TBCK: variants seen among roughly 807,000 people sequenced by gnomAD.
TBCK encodes the protein TBC1 domain containing kinase, also known as TBC domain-containing protein kinase-like protein.
In TBCK, 99 loss-of-function variants were observed where a neutral mutation model predicts 113.4. That is an observed-to-expected ratio of 0.87 (90% CI 0.74 to 1.03). The LOEUF is 1.03. Among genes scored for constraint, TBCK ranks in the 50% least tolerant of loss-of-function variants. TBCK has a pLI of 0.00. For synonymous variants in TBCK, 369 were observed against 370.8 expected (o/e 1.00, Z 0.05); for missense variants, 1,045 against 1,061.3 (o/e 0.98, Z 0.21).
chr4:106,308,479 G>C (rs1767782335), intron 2 of TBCK, among the ~76,000 whole-genome samples: 2 of 152,074 alleles, frequency 1.3e-5, no homozygotes, highest in African/African-American at 2.4e-5. Context: ...TTAAATTAGT[G>C]GAAACAACAA....
rs367902724 is a variant in TBCK at position 106,051,504 on chromosome 4, TG to T, written c.2572-4825del. On this transcript the variant is annotated intron_variant, in intron 25 of 25. Coordinates refer to ENST00000394708, the MANE Select transcript of TBCK (RefSeq NM_001163435.3). ...TGAGCATGGTATTGAATAAAGAAAC[TG>T]GCAATTATCCTATAATAAGCAGCTG... 1.3e-3 allele frequency among the ~76,000 whole-genome samples: 202 copies of T among 152,020 alleles called. 1 individual carries two copies. Among genetic ancestry groups the T allele is most frequent in the African/African-American group, 4.5e-3 (188 of 41,518 alleles).
At chr4:106,309,302 TC>T in intron 1 of TBCK, among the ~76,000 whole-genome samples, 6 of 140,798 alleles carry the variant, frequency 4.3e-5, no homozygotes, top group Non-Finnish European at 9.3e-5. Context: ...ATAAGGCTCT[TC>T]TCTTTTTTTT....
At chr4:106,257,202 G>T (rs1762085991) in intron 5 of TBCK, among the ~76,000 whole-genome samples, 1 of 152,120 alleles carries the variant, frequency 6.6e-6, no homozygotes, top group Non-Finnish European at 1.5e-5. Context: ...GAAGAGACAT[G>T]GAGTGAAATT....
At chr4:106,082,396 T>C (rs375114703) in intron 25 of TBCK, among the ~76,000 whole-genome samples, 1 of 152,066 alleles carries the variant, frequency 6.6e-6, no homozygotes, top group Non-Finnish European at 1.5e-5. Context: ...TGGGTACTCA[T>C]GGACACACAG....
intron 23 of TBCK, among the ~76,000 whole-genome samples, chr4:106,118,004 G>A (rs1187030591): frequency 2.8e-5 from 4 of 143,276 alleles, no homozygotes; most frequent in African/African-American, 7.8e-5. Context: ...GTGAGACTCC[G>A]TCTCAAAAAA....
At chr4:106,194,307 G>C (rs1288939825) in intron 21 of TBCK, among the ~76,000 whole-genome samples, 1 of 151,882 alleles carries the variant, frequency 6.6e-6, no homozygotes, top group Non-Finnish European at 1.5e-5. Flanking sequence ...ATTAATATTT[G>C]TAGCAAATTA....
At chr4:106,180,402 ATACTT>A (rs1276190032) in intron 22 of TBCK, among the ~76,000 whole-genome samples, 1 of 151,098 alleles carries the variant, frequency 6.6e-6, no homozygotes, top group Non-Finnish European at 1.5e-5. Context: ...TCTTTTTATT[ATACTT>A]TAAGTTCTGG....
rs1485958389 is a variant in TBCK at position 106,229,532 on chromosome 4, G to A, written c.1774+831C>T. Reference sequence around the variant, plus strand: ...AACAGTGAATGTTCTTGACACCTTTGTTGAAAATGTGTTCATTGTAAGTGT... The same window carrying A: ...AACAGTGAATGTTCTTGACACCTTTATTGAAAATGTGTTCATTGTAAGTGT... On this transcript the variant is annotated intron_variant, in intron 19 of 25. Coordinates refer to ENST00000394708, the MANE Select transcript of TBCK (RefSeq NM_001163435.3). 4.6e-5 allele frequency among the ~76,000 whole-genome samples: 7 copies of A among 152,060 alleles called. No individual in the cohort carries two copies. In the East Asian group the frequency reaches 1.4e-3, roughly 29 times the overall value.
At chr4:106,300,309 C>T (rs1344410834) in intron 2 of TBCK, among the ~76,000 whole-genome samples, 4 of 151,902 alleles carry the variant, frequency 2.6e-5, no homozygotes, top group Non-Finnish European at 5.9e-5. Context: ...AAAGTTAACA[C>T]TAAGAAACTG....
upstream of TBCK, chr4:106,316,544 C>T (rs1165779559): frequency 6.4e-7 from 1 of 1,551,612 alleles, no homozygotes. Flanking sequence ...GTGGCTGGAC[C>T]TACATGCTTC....
At chr4:106,220,672 CA>C (rs1757576298) in intron 19 of TBCK, among the ~76,000 whole-genome samples, 2 of 151,998 alleles carry the variant, frequency 1.3e-5, no homozygotes, top group African/African-American at 4.8e-5. Flanking sequence ...TCTACTGCCA[CA>C]AAATGCATTC....
Position 106,230,116 on chromosome 4 carries a change from T to C in TBCK, c.1774+247A>G, listed in dbSNP as rs983596715. ...AAACACAAACGGCAGTCTCTTATTT[T>C]CTCAAACTCGCATGCCTGCAATTGA... On this transcript the variant is annotated intron_variant, in intron 19 of 25. Transcript: ENST00000394708. Among the ~76,000 whole-genome samples the C allele has an allele frequency of 3.3e-5, 5 of 152,094 alleles. 1 individual carries two copies. In the South Asian group the frequency reaches 6.2e-4, roughly 19 times the overall value.
chr4:106,289,384 T>C (rs1765438524), intron 3 of TBCK, among the ~76,000 whole-genome samples: 3 of 152,202 alleles, frequency 2.0e-5, no homozygotes, highest in Admixed American at 2.0e-4. Flanking sequence ...AGACTTGCCA[T>C]AGGTTCTTCT....
At position 106,288,426 on chromosome 4, in the gene TBCK, AT is replaced by A. The variant is rs1324201270; in HGVS notation, c.266+6667del. ...AAAATTAAATTAAGGTATAATTTACATAGGTAAAATGCATATATTATACATT... is the reference window on the plus strand; with the variant it reads ...AAAATTAAATTAAGGTATAATTTACAAGGTAAAATGCATATATTATACATT... On this transcript the variant is annotated intron_variant, in intron 3 of 25. Coordinates refer to ENST00000394708, the MANE Select transcript of TBCK (RefSeq NM_001163435.3). Among the ~76,000 whole-genome samples, 10 of 152,184 alleles carry A rather than the reference AT, an allele frequency of 6.6e-5. 1 individual carries two copies. The highest frequency in any genetic ancestry group is 5.9e-4 in the Admixed American group (9 of 15,272).
chr4:106,274,127 A>T (rs1200774688), intron 3 of TBCK, among the ~76,000 whole-genome samples: 8 of 152,184 alleles, frequency 5.3e-5, no homozygotes, highest in Non-Finnish European at 1.0e-4. Context: ...TATATTAGGG[A>T]AATGCAAATG....
chr4:106,130,312 A>C (rs1212004385), intron 23 of TBCK, among the ~76,000 whole-genome samples: 1 of 152,186 alleles, frequency 6.6e-6, no homozygotes, highest in Non-Finnish European at 1.5e-5. Context: ...ACAGATTATA[A>C]AAAGTTGCAC....
chr4:106,097,128 A>G (rs1169751285), intron 24 of TBCK, among the ~76,000 whole-genome samples: 1 of 152,180 alleles, frequency 6.6e-6, no homozygotes, highest in African/African-American at 2.4e-5. Flanking sequence ...TTATTATCCT[A>G]TTATCCTTGT....
intron 13 of TBCK, 99 bp from the exon 14 acceptor site, chr4:106,236,618 G>T: frequency 1.7e-6 from 2 of 1,180,006 alleles, no homozygotes; most frequent in East Asian, 3.1e-5. Context: ...TTCAGAAAAA[G>T]CACAAAATTT....
intron 20 of TBCK, among the ~76,000 whole-genome samples, chr4:106,206,776 C>T (rs7680756): frequency 1.7e-4 from 26 of 152,306 alleles, no homozygotes; most frequent in Admixed American, 1.4e-3. Context: ...GCTGAATATA[C>T]ATTTTGAAAA....
Sources: allele counts gnomAD v4.1 joint callset (sites outside exome capture counted in the v4.1 genomes callset), GRCh38; gene constraint gnomAD v4.1.1; transcripts MANE v1.5; gene names NCBI Gene and HGNC (gene_info 2026-07-23, HGNC 2026-07-21).